ZNF248: variants seen among roughly 807,000 people sequenced by gnomAD.
The protein encoded by ZNF248 is zinc finger protein 248.
In ZNF248, 20 loss-of-function variants were observed where a neutral mutation model predicts 44.3. The observed-to-expected ratio is 0.45, with a 90% CI of 0.32 to 0.66. The LOEUF is 0.66. ZNF248 is among the 30% of genes least tolerant of loss of function. ZNF248 has a pLI of 0.04. For synonymous variants in ZNF248, 224 were observed against 229.0 expected (o/e 0.98, Z 0.20); for missense variants, 654 against 677.0 (o/e 0.97, Z 0.38).
the ZNF248 span, among the ~76,000 whole-genome samples, chr10:37,763,169 C>T: frequency 6.6e-6 from 1 of 152,164 alleles, no homozygotes; most frequent in African/African-American, 2.4e-5. Flanking sequence ...GGGTCGGGGG[C>T]ACCATGCCTT....
the ZNF248 span, among the ~76,000 whole-genome samples, chr10:37,766,733 G>A: frequency 6.6e-6 from 1 of 152,180 alleles, no homozygotes; most frequent in East Asian, 1.9e-4. Flanking sequence ...TCCTCCAAAG[G>A]AACACAGCTC....
downstream of ZNF248, among the ~76,000 whole-genome samples, chr10:37,826,861 A>T (rs2054465881): frequency 6.6e-6 from 1 of 152,216 alleles, no homozygotes; most frequent in Non-Finnish European, 1.5e-5. Flanking sequence ...TGTAATACTC[A>T]AATGCCCATA....
chr10:37,820,134 T>A, intron 6 of ZNF248: 1 of 1,056,660 alleles, frequency 9.5e-7, no homozygotes, highest in Non-Finnish European at 1.5e-6. Context: ...TGGCTCTTAA[T>A]AAATCATCTA....
In ZNF248 at chr10:37,778,686, C is replaced by T. The variant is rs572196185; in HGVS notation, c.331-2111G>A. On this transcript the variant is annotated intron_variant, in intron 6 of 6. Transcript: ENST00000615949. Reference sequence around the variant, plus strand: ...AGGTCTAACGTTTAAGTCTTTAATCCATATTGAATTGAAACCCTTCAAAAA... The same window carrying T: ...AGGTCTAACGTTTAAGTCTTTAATCTATATTGAATTGAAACCCTTCAAAAA... Among the ~76,000 whole-genome samples, 6 of 152,040 alleles carry T rather than the reference C, an allele frequency of 3.9e-5. No homozygotes were observed. The East Asian group carries it at 9.7e-4, about 24-fold the overall frequency.
intron 6 of ZNF248, among the ~76,000 whole-genome samples, chr10:37,792,584 A>C (rs907234040): frequency 6.6e-6 from 1 of 152,190 alleles, no homozygotes; most frequent in Non-Finnish European, 1.5e-5. Context: ...ACACCACCTT[A>C]ATCAAGTGAT....
At chr10:37,808,555 G>A (rs1479330970) in intron 6 of ZNF248, among the ~76,000 whole-genome samples, 1 of 152,072 alleles carries the variant, frequency 6.6e-6, no homozygotes, top group Non-Finnish European at 1.5e-5. Context: ...AAAATGCTGA[G>A]ATTACAGGCA....
At chr10:37,817,114 T>C (rs1743811) in intron 6 of ZNF248, among the ~76,000 whole-genome samples, 5 of 152,052 alleles carry the variant, frequency 3.3e-5, no homozygotes, top group Non-Finnish European at 7.4e-5. Flanking sequence ...GCCCCTCCCA[T>C]GTAGATGCCA....
chr10:37,765,368 A>G, the ZNF248 span, among the ~76,000 whole-genome samples: 1 of 152,152 alleles, frequency 6.6e-6, no homozygotes, highest in Non-Finnish European at 1.5e-5. Context: ...TTGATGACTC[A>G]CCCTACAAGG....
chr10:37,791,161 C>T (rs2048507358), intron 6 of ZNF248, among the ~76,000 whole-genome samples: 1 of 146,236 alleles, frequency 6.8e-6, no homozygotes. Context: ...CCTGCCTCAG[C>T]CTCCCAAGTA....
At chr10:37,785,575 G>A (rs2132969261) in intron 6 of ZNF248, among the ~76,000 whole-genome samples, 1 of 152,284 alleles carries the variant, frequency 6.6e-6, no homozygotes, top group East Asian at 1.9e-4. Flanking sequence ...GTTCAATAGA[G>A]ATCTTTCTCT....
downstream of ZNF248, among the ~76,000 whole-genome samples, chr10:37,827,193 A>G (rs2054513553): frequency 6.6e-6 from 1 of 152,214 alleles, no homozygotes; most frequent in Non-Finnish European, 1.5e-5. Flanking sequence ...GAGATCCACA[A>G]GAATAGGGCA....
intron 6 of ZNF248, chr10:37,796,105 TTTGA>T (rs2049125023): frequency 1.3e-5 from 2 of 152,224 alleles, no homozygotes; most frequent in Admixed American, 1.3e-4. Flanking sequence ...AGTCTGTCTA[TTTGA>T]TTAACTGATA....
downstream of ZNF248, among the ~76,000 whole-genome samples, chr10:37,773,988 T>TACACACACACAC (rs139568981): frequency 4.3e-4 from 64 of 149,246 alleles, no homozygotes; most frequent in Middle Eastern, 3.4e-3. Context: ...TGAAAATGAA[T>TACACACACACAC]ACACACACAC....
intron 6 of ZNF248, among the ~76,000 whole-genome samples, chr10:37,777,535 CTT>C (rs368150075): frequency 0.066 from 9,139 of 138,078 alleles, 323 homozygotes; most frequent in Middle Eastern, 0.1. Flanking sequence ...GTCTTCGACT[CTT>C]TTTTTTTTTT....
downstream of ZNF248, among the ~76,000 whole-genome samples, chr10:37,826,697 G>A (rs1234594046): frequency 6.6e-6 from 1 of 152,180 alleles, no homozygotes; most frequent in Non-Finnish European, 1.5e-5. Context: ...TCCTGTGGAT[G>A]AGCTGATACT....
At chr10:37,822,178 T>C (rs142440193) in intron 6 of ZNF248, among the ~76,000 whole-genome samples, 35 of 152,302 alleles carry the variant, frequency 2.3e-4, no homozygotes, top group African/African-American at 8.4e-4. Flanking sequence ...AATCTCTCCC[T>C]GGAGGCCTTG....
intron 6 of ZNF248, among the ~76,000 whole-genome samples, chr10:37,823,081 A>G (rs112373810): frequency 3.9e-5 from 6 of 152,242 alleles, no homozygotes; most frequent in African/African-American, 1.4e-4. Context: ...CACACCTGTA[A>G]TCCCAGCACT....
chr10:37,829,440 T>C lies in ZNF248; in HGVS notation c.*2175A>G. The C allele has an allele frequency of 5.1e-6, 5 of 985,412 alleles. No homozygotes were observed. Among genetic ancestry groups the C allele is most frequent in the Non-Finnish European group, 6.0e-6 (5 of 829,924 alleles). 61.0% of individuals were successfully genotyped at this position (985,412 alleles called of 1,614,324 possible). ...ACAAACAGCCATCCCTATATTAACT[T>C]GTGAAAAGAAATAATTCTTCCCCCT... On this transcript the variant is annotated 3_prime_UTR_variant, in exon 6 of 6. Transcript: ENST00000395867.
Position 37,837,617 on chromosome 10 carries a change from C to G in ZNF248, c.238G>C (p.Glu80Gln). 1 of 1,613,286 alleles carries G rather than the reference C, an allele frequency of 6.2e-7. No individual in the cohort carries two copies. The highest frequency in any genetic ancestry group is 8.5e-7 in the Non-Finnish European group (1 of 1,179,602). ...EKGFPSQCHP[E>Q]RKWKVDDVLE... ...CATCTGCCAGAAATCACTAACTCAC[C>G]TGGGTGGCACTGGCTTGGGAATCCT... Residue 80 changes from glutamate to glutamine, a missense_variant and splice_region_variant, in exon 5 of 6, where the codon GAA becomes CAA. Glu to Gln is a conservative substitution (Grantham distance 29). Coordinates refer to ENST00000395867, the MANE Select transcript of ZNF248 (RefSeq NM_021045.3).
Sources: gnomAD v4.1 joint callset for allele counts (sites outside exome capture counted in the v4.1 genomes callset) on GRCh38, gnomAD v4.1.1 for gene constraint, MANE v1.5 for transcripts, NCBI Gene and HGNC (gene_info 2026-07-23, HGNC 2026-07-21) for gene names.